Variants in CDK13 observed in about 807,000 individuals in gnomAD.
CDK13 encodes cyclin dependent kinase 13, also known as cyclin-dependent kinase 13.
In CDK13, 40 loss-of-function variants were observed where a neutral mutation model predicts 137.6. The ratio of observed to expected loss-of-function variants is 0.29; its 90% CI spans 0.23 to 0.38. The LOEUF is 0.38. Among genes scored for constraint, CDK13 ranks in the 10% least tolerant of loss-of-function variants. CDK13 has a pLI of 1.00. For synonymous variants in CDK13, 869 were observed against 760.1 expected (o/e 1.14, Z -2.36); for missense variants, 1,704 against 1,951.8 (o/e 0.87, Z 2.39).
intron 1 of CDK13, among the ~76,000 whole-genome samples, chr7:39,968,046 A>C (rs1266355653): frequency 6.6e-6 from 1 of 152,112 alleles, no homozygotes. Flanking sequence ...CCCTCTTTTG[A>C]GGAATGTCTA....
At chr7:39,973,581 T>C (rs1583928252) in intron 1 of CDK13, among the ~76,000 whole-genome samples, 1 of 152,362 alleles carries the variant, frequency 6.6e-6, no homozygotes, top group East Asian at 1.9e-4. Context: ...GATGGTGTCT[T>C]TTAAAGCACA....
At chr7:40,005,661 A>G (rs1424327187) in intron 5 of CDK13, among the ~76,000 whole-genome samples, 2 of 152,174 alleles carry the variant, frequency 1.3e-5, no homozygotes, top group Admixed American at 6.5e-5. Context: ...GTTAAGTGGT[A>G]TCACCAAGTC....
intron 1 of CDK13, among the ~76,000 whole-genome samples, chr7:39,965,294 C>G (rs1583915991): frequency 6.6e-6 from 1 of 152,118 alleles, no homozygotes; most frequent in Non-Finnish European, 1.5e-5. Context: ...CTTTATAAAT[C>G]TGGGTGCTCC....
chr7:39,981,065 T>C (rs1784212661), intron 1 of CDK13, among the ~76,000 whole-genome samples: 1 of 152,124 alleles, frequency 6.6e-6, no homozygotes, highest in Non-Finnish European at 1.5e-5. Context: ...TGTCGGAATA[T>C]TAGGAAAACA....
intron 1 of CDK13, chr7:39,952,503 A>G (rs769549706): frequency 2.6e-5 from 4 of 152,216 alleles, no homozygotes; most frequent in Non-Finnish European, 5.9e-5. Context: ...CTGATCTTTC[A>G]AAGTCATAAT....
At chr7:40,052,945 A>G (rs1387603738) in intron 7 of CDK13, among the ~76,000 whole-genome samples, 1 of 152,116 alleles carries the variant, frequency 6.6e-6, no homozygotes, top group Non-Finnish European at 1.5e-5. Flanking sequence ...ACTAGACAAG[A>G]TTGGAACCAT....
Position 40,089,698 on chromosome 7 carries a change from TAGAGAGAG to T in CDK13, c.3235+1386_3235+1393del, listed in dbSNP as rs58490010. ...TATGAAAACAGAGACTGATATAAAATAGAGAGAGAGAGAGAGAGAGAGAGAGTGTGTGT... is the reference window on the plus strand; with the variant it reads ...TATGAAAACAGAGACTGATATAAAATAGAGAGAGAGAGAGAGAGTGTGTGT... On this transcript the variant is annotated intron_variant, in intron 12 of 13. Transcript: ENST00000181839. Among the ~76,000 whole-genome samples the T allele has an allele frequency of 4.7e-3, 662 of 140,580 alleles. 4 individuals carry two copies. The highest frequency in any genetic ancestry group is 0.017 in the African/African-American group (611 of 36,802). 92.2% of individuals were successfully genotyped at this position (140,580 alleles called of 152,430 possible).
chr7:40,035,846 A>G (rs1785470739), intron 5 of CDK13, among the ~76,000 whole-genome samples: 1 of 124,064 alleles, frequency 8.1e-6, no homozygotes, highest in African/African-American at 3.1e-5. Flanking sequence ...CCCTGATGCC[A>G]AGAAGGTTGG....
intron 1 of CDK13, among the ~76,000 whole-genome samples, chr7:39,971,256 G>A (rs538729284): frequency 6.6e-6 from 1 of 152,226 alleles, no homozygotes; most frequent in East Asian, 1.9e-4. Flanking sequence ...GGTGGCTCAT[G>A]CCTGTAATCC....
At chr7:40,093,924 T>A (rs3966458) in intron 13 of CDK13, among the ~76,000 whole-genome samples, 1,532 of 26,764 alleles carry the variant, frequency 0.057, 12 homozygotes, top group African/African-American at 0.26. Flanking sequence ...AAAAAAAAAA[T>A]TTTTTTTTTT....
At chr7:39,956,036 T>C (rs1787396849) in intron 1 of CDK13, among the ~76,000 whole-genome samples, 1 of 152,244 alleles carries the variant, frequency 6.6e-6, no homozygotes, top group South Asian at 2.1e-4. Flanking sequence ...TAATGGATTA[T>C]TTAGTGTTTT....
intron 5 of CDK13, among the ~76,000 whole-genome samples, chr7:40,010,260 T>C (rs573715714): frequency 1.3e-5 from 2 of 152,186 alleles, no homozygotes; most frequent in East Asian, 3.9e-4. Context: ...TTGTAAGTAG[T>C]GTGCAACCTA....
intron 7 of CDK13, among the ~76,000 whole-genome samples, chr7:40,050,769 A>G (rs798854): frequency 0.1 from 15,269 of 152,238 alleles, 974 homozygotes; most frequent in Admixed American, 0.14. Flanking sequence ...TCTATCTGCT[A>G]AGCTGGTTGA....
chr7:40,076,046 T>C (rs1786538048), intron 9 of CDK13, among the ~76,000 whole-genome samples: 1 of 151,716 alleles, frequency 6.6e-6, no homozygotes, highest in Non-Finnish European at 1.5e-5. Flanking sequence ...GGTTTACTTA[T>C]CCTTGGAATT....
intron 9 of CDK13, chr7:40,067,643 C>T (rs1473553585): frequency 6.6e-6 from 1 of 151,918 alleles, no homozygotes; most frequent in African/African-American, 2.4e-5. Flanking sequence ...ACAAAGACAA[C>T]ATGAAAAATT....
chr7:40,053,315 C>T (rs1251258724), intron 7 of CDK13, among the ~76,000 whole-genome samples: 1 of 152,150 alleles, frequency 6.6e-6, no homozygotes, highest in African/African-American at 2.4e-5. Flanking sequence ...TATTTCATTC[C>T]CCAGAAAAAT....
chr7:40,080,005 T>C (rs1048200356), intron 11 of CDK13, among the ~76,000 whole-genome samples: 2 of 152,226 alleles, frequency 1.3e-5, no homozygotes, highest in Non-Finnish European at 2.9e-5. Context: ...TTTTTTGTCT[T>C]GAGACAAAGT....
chr7:40,038,932 T>G (rs1204129383), intron 5 of CDK13, among the ~76,000 whole-genome samples: 1 of 152,170 alleles, frequency 6.6e-6, no homozygotes, highest in Admixed American at 6.5e-5. Flanking sequence ...CGACCTCAGG[T>G]GATCTGCCCA....
chr7:40,090,805 G>C (rs191989948), intron 12 of CDK13, among the ~76,000 whole-genome samples: 193 of 152,306 alleles, frequency 1.3e-3, no homozygotes, highest in African/African-American at 4.6e-3. Context: ...CTAGGAGGTC[G>C]AGACTGCAGT....
Sources: allele counts gnomAD v4.1 joint callset (sites outside exome capture counted in the v4.1 genomes callset), GRCh38; gene constraint gnomAD v4.1.1; transcripts MANE v1.5; gene names NCBI Gene and HGNC (gene_info 2026-07-23, HGNC 2026-07-21).